CHRM3: variants seen among roughly 807,000 people sequenced by gnomAD.
The protein encoded by CHRM3 is cholinergic receptor muscarinic 3.
CHRM3 carries 11 observed loss-of-function variants against 41.8 expected under a neutral mutation model. The ratio of observed to expected loss-of-function variants is 0.26; its 90% confidence interval spans 0.17 to 0.44. The LOEUF (loss-of-function observed/expected upper bound fraction) is 0.44. CHRM3 is among the 20% of genes least tolerant of loss of function. The pLI is 1.00. For synonymous variants in CHRM3, 297 were observed against 301.4 expected (o/e 0.99, Z 0.15); for missense variants, 571 against 745.4 (o/e 0.77, Z 2.72).
chr1:239,693,621 G>A (rs1659917620), intron 5 of CHRM3, among the ~76,000 whole-genome samples: 1 of 152,124 alleles, frequency 6.6e-6, no homozygotes, highest in South Asian at 2.1e-4. Flanking sequence ...GGTTTAATTA[G>A]AAGAAACCTT....
At chr1:239,840,991 CA>C (rs1198871461) in intron 6 of CHRM3, among the ~76,000 whole-genome samples, 3 of 152,140 alleles carry the variant, frequency 2.0e-5, no homozygotes, top group Non-Finnish European at 4.4e-5. Flanking sequence ...AATTTTAGGC[CA>C]TTTACAAAGA....
At chr1:239,398,210 T>C (rs1275677628) in intron 1 of CHRM3, among the ~76,000 whole-genome samples, 1 of 152,082 alleles carries the variant, frequency 6.6e-6, no homozygotes, top group East Asian at 1.9e-4. Context: ...ACTTTTGCAG[T>C]CTGGGTTAGT....
intron 1 of CHRM3, among the ~76,000 whole-genome samples, chr1:239,472,876 A>T (rs1666220999): frequency 6.6e-6 from 1 of 152,190 alleles, no homozygotes; most frequent in South Asian, 2.1e-4. Flanking sequence ...TGTACCCCAG[A>T]ACTTAAAATT....
chr1:239,743,635 G>C (rs1665053710), intron 5 of CHRM3, among the ~76,000 whole-genome samples: 1 of 151,994 alleles, frequency 6.6e-6, no homozygotes, highest in Non-Finnish European at 1.5e-5. Context: ...TATGTCTGGG[G>C]TCACAGATCC....
intron 3 of CHRM3, among the ~76,000 whole-genome samples, chr1:239,587,242 C>T (rs1341535034): frequency 6.6e-6 from 1 of 152,206 alleles, no homozygotes; most frequent in East Asian, 1.9e-4. Context: ...GATCCACGTA[C>T]TTGCCACAGA....
chr1:239,821,257 T>C (rs1672020911), intron 5 of CHRM3, among the ~76,000 whole-genome samples: 1 of 152,242 alleles, frequency 6.6e-6, no homozygotes, highest in African/African-American at 2.4e-5. Flanking sequence ...GAGTCTCTAA[T>C]GAGACATATA....
intron 1 of CHRM3, among the ~76,000 whole-genome samples, chr1:239,480,059 G>A (rs1274718667): frequency 6.6e-6 from 1 of 152,164 alleles, no homozygotes; most frequent in East Asian, 1.9e-4. Context: ...GCAATCTGTA[G>A]TTGACTGAAT....
At chr1:239,850,206 A>G (rs989336770) in intron 6 of CHRM3, among the ~76,000 whole-genome samples, 1 of 152,212 alleles carries the variant, frequency 6.6e-6, no homozygotes, top group African/African-American at 2.4e-5. Flanking sequence ...CTTACAACAA[A>G]GTAAGCTAGA....
chr1:239,808,345 T>A (rs1670828781), intron 5 of CHRM3, among the ~76,000 whole-genome samples: 1 of 152,176 alleles, frequency 6.6e-6, no homozygotes, highest in Non-Finnish European at 1.5e-5. Flanking sequence ...GGTCATTTTA[T>A]GGACAGGATT....
intron 5 of CHRM3, among the ~76,000 whole-genome samples, chr1:239,739,227 T>C (rs1664641889): frequency 6.6e-6 from 1 of 152,168 alleles, no homozygotes; most frequent in Non-Finnish European, 1.5e-5. Context: ...CCAGTTCTGT[T>C]TGAAAGCTCC....
intron 5 of CHRM3, among the ~76,000 whole-genome samples, chr1:239,752,165 G>A (rs1665883675): frequency 6.6e-6 from 1 of 152,168 alleles, no homozygotes; most frequent in African/African-American, 2.4e-5. Flanking sequence ...AGAATATGGA[G>A]GAGCAAATGT....
chr1:239,531,646 T>A (rs1034736439), intron 2 of CHRM3, among the ~76,000 whole-genome samples: 1 of 31,280 alleles, frequency 3.2e-5, no homozygotes, highest in Non-Finnish European at 9.7e-5. Context: ...TGGATTTTTT[T>A]TTTTTTTTTT....
intron 6 of CHRM3, among the ~76,000 whole-genome samples, chr1:239,903,844 C>T (rs998351165): frequency 6.6e-6 from 1 of 152,210 alleles, no homozygotes; most frequent in Non-Finnish European, 1.5e-5. Context: ...CCTGGGTCTT[C>T]TTCATGTTCA....
At chr1:239,596,652 T>C (rs2148664200) in intron 3 of CHRM3, among the ~76,000 whole-genome samples, 1 of 152,318 alleles carries the variant, frequency 6.6e-6, no homozygotes, top group South Asian at 2.1e-4. Flanking sequence ...GAGAATGGAC[T>C]CTAGTTTCAA....
At chr1:239,867,410 G>T (rs1676205391) in intron 6 of CHRM3, among the ~76,000 whole-genome samples, 1 of 152,152 alleles carries the variant, frequency 6.6e-6, no homozygotes, top group Admixed American at 6.5e-5. Context: ...TGTATGGGCT[G>T]GGCCCGGTGG....
In CHRM3 at chr1:239,730,177, A is replaced by G. The variant is rs567094776; in HGVS notation, c.-147+51889A>G. ...AACTGTATAGTTGGTTTTTTATTTT[A>G]AAATTGTTTTTTATCCTCAATTTTA... On this transcript the variant is annotated intron_variant, in intron 5 of 6. Transcript: ENST00000676153. Among the ~76,000 whole-genome samples the G allele has an allele frequency of 4.6e-5, 7 of 152,156 alleles. No homozygotes were observed. The East Asian group carries it at 1.4e-3, about 30-fold the overall frequency.
In CHRM3 at chr1:239,404,410, AAAAGAAAGAAAGAAAGAAAGAAAG is replaced by A. The variant is rs1170633500; in HGVS notation, c.-521+17219_-521+17242del. On this transcript the variant is annotated intron_variant, in intron 1 of 6. Coordinates refer to ENST00000676153, the MANE Select transcript of CHRM3 (RefSeq NM_001375978.1). ...AAAGAAAGAAAGAAAGAAAGAAAGA[AAAAGAAAGAAAGAAAGAAAGAAAG>A]AAAGAAAGAAAGAAAGAAAGAAAGA... Among the ~76,000 whole-genome samples the A allele has an allele frequency of 1.0e-3, 54 of 51,754 alleles. 1 individual carries two copies. The highest frequency in any genetic ancestry group is 0.011 in the Middle Eastern group (1 of 92). The allele number at this position is 51,754 out of a possible 152,430, so 34.0% of individuals were successfully genotyped here.
At chr1:239,811,080 C>T (rs1006307113) in intron 5 of CHRM3, among the ~76,000 whole-genome samples, 13 of 152,096 alleles carry the variant, frequency 8.5e-5, no homozygotes, top group African/African-American at 3.1e-4. Flanking sequence ...TTTTTGAATT[C>T]GAACAGTTTA....
At chr1:239,801,998 A>G (rs1357785828) in intron 5 of CHRM3, among the ~76,000 whole-genome samples, 2 of 152,212 alleles carry the variant, frequency 1.3e-5, no homozygotes, top group African/African-American at 4.8e-5. Flanking sequence ...CGACAGTCCC[A>G]GTGGCAGGCC....
Sources: gnomAD v4.1 joint callset for allele counts (sites outside exome capture counted in the v4.1 genomes callset) on GRCh38, gnomAD v4.1.1 for gene constraint, MANE v1.5 for transcripts, NCBI Gene and HGNC (gene_info 2026-07-23, HGNC 2026-07-21) for gene names.